The following RYR2 variants were observed in gnomAD, a reference collection of about 807,000 sequenced individuals.
RYR2 encodes cardiac muscle ryanodine receptor-calcium release channel.
A neutral mutation model predicts 601.1 loss-of-function variants in RYR2; 227 were observed. The observed-to-expected ratio is 0.38, with a 90% CI of 0.34 to 0.42. RYR2 has a LOEUF of 0.42. Among genes scored for constraint, RYR2 ranks in the 10% least tolerant of loss-of-function variants. The pLI, the probability that RYR2 is intolerant of heterozygous loss-of-function variation, is 1.00. For missense variants in RYR2, 4,646 were observed against 6,156.5 expected (o/e 0.75, Z 8.21); for synonymous variants, 2,223 against 2,175.1 (o/e 1.02, Z -0.61).
intron 98 of RYR2, among the ~76,000 whole-genome samples, chr1:237,805,751 A>C (rs1660570891): frequency 6.6e-6 from 1 of 152,050 alleles, no homozygotes; most frequent in African/African-American, 2.4e-5. Flanking sequence ...CAGGGTAATT[A>C]GTATATGCAT....
intron 1 of RYR2, among the ~76,000 whole-genome samples, chr1:237,097,905 T>C (rs544806035): frequency 3.1e-4 from 47 of 152,324 alleles, no homozygotes; most frequent in African/African-American, 1.1e-3. Context: ...GCATTTGTGC[T>C]GCAGGAGTTT....
chr1:237,735,406 TA>T (rs1691052226), intron 79 of RYR2, among the ~76,000 whole-genome samples: 1 of 152,168 alleles, frequency 6.6e-6, no homozygotes, highest in African/African-American at 2.4e-5. Context: ...TGCTTGTTTT[TA>T]AAGAGAGAGC....
chr1:237,406,014 G>A (rs527970345), intron 10 of RYR2, among the ~76,000 whole-genome samples: 82 of 151,366 alleles, frequency 5.4e-4, no homozygotes, highest in African/African-American at 1.9e-3. Context: ...TCACTGCCAC[G>A]CTCTCATTCC....
At chr1:237,374,665 A>G (rs1700884927) in intron 6 of RYR2, 52 bp from the exon 7 acceptor site, 1 of 1,470,448 alleles carries the variant, frequency 6.8e-7, no homozygotes, top group Non-Finnish European at 9.4e-7. Flanking sequence ...TCAAACACAA[A>G]CAACAGACGA....
At chr1:237,667,380 G>A (rs140318912) in intron 57 of RYR2, among the ~76,000 whole-genome samples, 2 of 152,286 alleles carry the variant, frequency 1.3e-5, no homozygotes, top group Admixed American at 6.5e-5. Context: ...AAAATCAAAT[G>A]TAGAAAGAAT....
intron 20 of RYR2, 76 bp downstream of exon 20, chr1:237,496,828 C>T: frequency 1.3e-6 from 2 of 1,512,848 alleles, no homozygotes; most frequent in Non-Finnish European, 1.8e-6. Context: ...ATTGGTGCTG[C>T]TTCCATTAGG....
intron 1 of RYR2, among the ~76,000 whole-genome samples, chr1:237,043,741 A>AAAAACAAAAC (rs55938498): frequency 0.022 from 3,349 of 151,554 alleles, 47 homozygotes; most frequent in Middle Eastern, 0.071. Flanking sequence ...TCAGCAGTAC[A>AAAAACAAAAC]AAAACAAAAC....
At chr1:237,198,979 A>G (rs1234449280) in intron 1 of RYR2, among the ~76,000 whole-genome samples, 2 of 152,204 alleles carry the variant, frequency 1.3e-5, no homozygotes, top group Non-Finnish European at 2.9e-5. Context: ...AAACTTAATT[A>G]AATTCAGGTC....
At chr1:237,808,399 G>A (rs1035666969) in intron 99 of RYR2, among the ~76,000 whole-genome samples, 1 of 152,072 alleles carries the variant, frequency 6.6e-6, no homozygotes, top group Non-Finnish European at 1.5e-5. Flanking sequence ...GGTGGCTCAC[G>A]CCTGTAATCC....
chr1:237,451,774 T>C (rs1658154290), intron 14 of RYR2, among the ~76,000 whole-genome samples: 1 of 152,136 alleles, frequency 6.6e-6, no homozygotes, highest in African/African-American at 2.4e-5. Context: ...TTTTCACCCA[T>C]GTATTTTTCA....
chr1:237,136,442 G>A (rs575413254), intron 1 of RYR2, among the ~76,000 whole-genome samples: 1 of 152,224 alleles, frequency 6.6e-6, no homozygotes, highest in East Asian at 1.9e-4. Context: ...ATGACATAGG[G>A]TCAAATTGAA....
At chr1:237,355,081 T>TTAGCTTC in intron 3 of RYR2, among the ~76,000 whole-genome samples, 1 of 152,310 alleles carries the variant, frequency 6.6e-6, no homozygotes, top group Non-Finnish European at 1.5e-5. Flanking sequence ...CTAAGTAGCA[T>TTAGCTTC]TAGCTTCTTA....
chr1:237,443,712 T>G (rs1463697360), intron 13 of RYR2, among the ~76,000 whole-genome samples: 1 of 152,222 alleles, frequency 6.6e-6, no homozygotes, highest in East Asian at 1.9e-4. Flanking sequence ...AATTTTTATG[T>G]GTCACAAAAC....
Position 237,056,735 on chromosome 1 carries a change from T to C in RYR2, c.48+14166T>C, listed in dbSNP as rs1160044172. Among the ~76,000 whole-genome samples the C allele has an allele frequency of 4.2e-3, 280 of 66,856 alleles. 1 individual carries two copies. The highest frequency in any genetic ancestry group is 0.016 in the Middle Eastern group (1 of 64). 43.9% of individuals were successfully genotyped at this position (66,856 alleles called of 152,430 possible). ...CACTGCACCTGTGAGGACTGGAGCA[T>C]TGCATCTGTGAGGACTGGAGCACTG... On this transcript the variant is annotated intron_variant, in intron 1 of 104. Transcript: ENST00000366574.
chr1:237,344,640 A>G (rs999953852), intron 3 of RYR2, among the ~76,000 whole-genome samples: 1 of 151,920 alleles, frequency 6.6e-6, no homozygotes, highest in Non-Finnish European at 1.5e-5. Context: ...GTTCCTTATC[A>G]CTGGGTGTTC....
chr1:237,675,861 G>A (rs1262328438), intron 60 of RYR2, among the ~76,000 whole-genome samples: 1 of 152,060 alleles, frequency 6.6e-6, no homozygotes, highest in African/African-American at 2.4e-5. Flanking sequence ...CTTTCAGCCT[G>A]CCTCTACAGT....
intron 57 of RYR2, 143 bp from the exon 58 acceptor site, chr1:237,667,740 A>G (rs749791050): frequency 2.8e-5 from 16 of 573,400 alleles, no homozygotes; most frequent in Non-Finnish European, 4.5e-5. Flanking sequence ...CACATTCTAA[A>G]GAAGAGTGTT....
chr1:237,077,883 TCTC>T (rs1665193783), intron 1 of RYR2, among the ~76,000 whole-genome samples: 1 of 121,044 alleles, frequency 8.3e-6, no homozygotes, highest in Non-Finnish European at 1.9e-5. Flanking sequence ...GAAGTAAAGC[TCTC>T]CTCAGCAAAT....
chr1:237,570,305 C>T (rs1477032247), intron 29 of RYR2, among the ~76,000 whole-genome samples: 1 of 150,934 alleles, frequency 6.6e-6, no homozygotes, highest in Non-Finnish European at 1.5e-5. Flanking sequence ...TGGCCTTGGC[C>T]ACACAGGGCT....
Sources: gnomAD v4.1 joint callset for allele counts (sites outside exome capture counted in the v4.1 genomes callset) on GRCh38, gnomAD v4.1.1 for gene constraint, MANE v1.5 for transcripts, NCBI Gene and HGNC (gene_info 2026-07-23, HGNC 2026-07-21) for gene names.